Variants in UNC5D observed in about 807,000 individuals in gnomAD.
The protein encoded by UNC5D is unc-5 netrin receptor D, also known as netrin receptor UNC5D.
A neutral mutation model predicts 105.4 loss-of-function variants in UNC5D; 39 were observed. The ratio of observed to expected loss-of-function variants is 0.37; its 90% CI spans 0.29 to 0.48. The LOEUF is 0.48. Ranked by LOEUF, UNC5D falls within the 20% of genes least tolerant of loss-of-function variation. The pLI is 0.98. For missense variants in UNC5D, 991 were observed against 1,202.4 expected (o/e 0.82, Z 2.60); for synonymous variants, 452 against 450.4 (o/e 1.00, Z -0.04).
chr8:35,648,678 CA>C (rs1251731084), intron 4 of UNC5D, among the ~76,000 whole-genome samples: 1,293 of 46,010 alleles, frequency 0.028, 3 homozygotes, highest in African/African-American at 0.041. Context: ...GAGTCCGTCT[CA>C]AAAAAAAAAA....
intron 1 of UNC5D, among the ~76,000 whole-genome samples, chr8:35,493,591 A>G (rs548403603): frequency 1.3e-5 from 2 of 151,934 alleles, no homozygotes; most frequent in African/African-American, 4.9e-5. Flanking sequence ...AAAGCAAAAC[A>G]AAAAAGCAAG....
chr8:35,259,310 G>A lies in UNC5D; in HGVS notation c.103+23423G>A, dbSNP rs540133292. ...TTGGCAGTGGCTGGCTGGTAGTTAGGATGGAAGGGGATTGGGGAGTGGACA... is the reference window on the plus strand; with the variant it reads ...TTGGCAGTGGCTGGCTGGTAGTTAGAATGGAAGGGGATTGGGGAGTGGACA... On this transcript the variant is annotated intron_variant, in intron 1 of 16. Transcript: ENST00000404895. Among the ~76,000 whole-genome samples, 10 of 152,264 alleles carry A rather than the reference G, an allele frequency of 6.6e-5. No homozygotes were observed. The South Asian group carries it at 1.9e-3, about 28-fold the overall frequency.
intron 1 of UNC5D, among the ~76,000 whole-genome samples, chr8:35,493,789 C>G (rs1255410536): frequency 1.3e-5 from 2 of 151,960 alleles, no homozygotes; most frequent in Non-Finnish European, 2.9e-5. Flanking sequence ...ACTTTCTTTT[C>G]TTTCTTTAAT....
intron 1 of UNC5D, among the ~76,000 whole-genome samples, chr8:35,371,582 T>C (rs1802431670): frequency 6.6e-6 from 1 of 152,124 alleles, no homozygotes; most frequent in Non-Finnish European, 1.5e-5. Flanking sequence ...AGGACCTATT[T>C]TTTTCCTGAT....
At chr8:35,524,662 AG>A (rs1220512982) in intron 1 of UNC5D, among the ~76,000 whole-genome samples, 145 of 150,116 alleles carry the variant, frequency 9.7e-4, no homozygotes, top group African/African-American at 3.3e-3. Context: ...AAAAGAAAAA[AG>A]AAAAAAGAAA....
At chr8:35,663,683 A>G (rs1348890138) in intron 4 of UNC5D, among the ~76,000 whole-genome samples, 1 of 152,080 alleles carries the variant, frequency 6.6e-6, no homozygotes, top group Non-Finnish European at 1.5e-5. Flanking sequence ...AAGACAGAAA[A>G]AGAGAGAATG....
intron 15 of UNC5D, among the ~76,000 whole-genome samples, chr8:35,771,924 A>ATT: frequency 6.6e-6 from 1 of 152,292 alleles, no homozygotes; most frequent in Admixed American, 6.5e-5. Context: ...ATACAAATGC[A>ATT]AAATAACTGA....
Position 35,568,111 on chromosome 8 carries a change from C to T in UNC5D, c.336C>T (p.Arg112=), listed in dbSNP as rs139608858. The T allele has an allele frequency of 3.4e-4, 552 of 1,614,108 alleles. 3 individuals are homozygous for T. In the African/African-American group the frequency reaches 5.5e-3, roughly 16 times the overall value. ...TCCCACCATCAGGTTTGAAGGTCCG[C>T]GAAGTGTTCATCAATGTTACTAGGC... ...TLDESSGLKV[R]EVFINVTRQQ... Residue 112 remains arginine (R), a synonymous_variant, in exon 3 of 17, where the codon CGC becomes CGT. Transcript: ENST00000404895.
intron 4 of UNC5D, among the ~76,000 whole-genome samples, chr8:35,623,730 G>A (rs1012751406): frequency 2.6e-5 from 4 of 152,054 alleles, no homozygotes; most frequent in African/African-American, 4.8e-5. Flanking sequence ...TCATTTAGAA[G>A]CAGGCATTTA....
intron 11 of UNC5D, 35 bp from the exon 12 acceptor site, chr8:35,748,492 T>C (rs764918459): frequency 4.4e-6 from 7 of 1,599,420 alleles, no homozygotes; most frequent in African/African-American, 1.3e-5. Flanking sequence ...CTCCTCTACA[T>C]ACTTCTCTCT....
intron 2 of UNC5D, among the ~76,000 whole-genome samples, chr8:35,561,937 A>C (rs1816996040): frequency 6.6e-6 from 1 of 152,152 alleles, no homozygotes; most frequent in Non-Finnish European, 1.5e-5. Context: ...ATTATCGTTA[A>C]CTAGTCACTG....
chr8:35,426,844 A>G (rs574245100), intron 1 of UNC5D, among the ~76,000 whole-genome samples: 2 of 152,282 alleles, frequency 1.3e-5, no homozygotes, highest in African/African-American at 4.8e-5. Context: ...TATTTAATCT[A>G]CGTCATTGCT....
intron 3 of UNC5D, among the ~76,000 whole-genome samples, chr8:35,574,461 T>C (rs1817958325): frequency 6.6e-6 from 1 of 152,226 alleles, no homozygotes; most frequent in African/African-American, 2.4e-5. Context: ...AGCTATGCAA[T>C]TGTGCCAAGA....
chr8:35,560,412 T>A (rs1816873122), intron 2 of UNC5D, among the ~76,000 whole-genome samples: 1 of 152,228 alleles, frequency 6.6e-6, no homozygotes, highest in African/African-American at 2.4e-5. Context: ...CGTATATGTA[T>A]GCATATATGT....
intron 1 of UNC5D, among the ~76,000 whole-genome samples, chr8:35,321,192 C>T (rs1439457148): frequency 1.3e-5 from 2 of 152,158 alleles, no homozygotes; most frequent in Non-Finnish European, 2.9e-5. Flanking sequence ...GTTTTACACA[C>T]ACACATTTGT....
At chr8:35,237,179 GTTTTTTTTTT>G (rs3073013) in intron 1 of UNC5D, among the ~76,000 whole-genome samples, 23 of 61,792 alleles carry the variant, frequency 3.7e-4, no homozygotes, top group African/African-American at 4.5e-4. Flanking sequence ...TTCCTGAAAA[GTTTTTTTTTT>G]TTTTTTTTTT....
At chr8:35,721,202 T>A (rs1309647878) in intron 8 of UNC5D, among the ~76,000 whole-genome samples, 1 of 152,132 alleles carries the variant, frequency 6.6e-6, no homozygotes, top group Non-Finnish European at 1.5e-5. Flanking sequence ...AACTATGTAG[T>A]TAGCACTTGC....
intron 1 of UNC5D, among the ~76,000 whole-genome samples, chr8:35,367,009 T>C (rs959445413): frequency 1.3e-5 from 2 of 152,228 alleles, no homozygotes; most frequent in African/African-American, 2.4e-5. Flanking sequence ...CTAGTGGTTC[T>C]AATTTAGTTA....
chr8:35,712,636 C>T (rs1828030487), intron 8 of UNC5D, among the ~76,000 whole-genome samples: 1 of 152,174 alleles, frequency 6.6e-6, no homozygotes, highest in Admixed American at 6.5e-5. Flanking sequence ...AGGGTTCATT[C>T]AGAGTGAGAT....
Sources: allele counts gnomAD v4.1 joint callset (sites outside exome capture counted in the v4.1 genomes callset), GRCh38; gene constraint gnomAD v4.1.1; transcripts MANE v1.5; gene names NCBI Gene and HGNC (gene_info 2026-07-23, HGNC 2026-07-21).